The following PCDHGA7 variants were observed in gnomAD, a reference collection of about 807,000 sequenced individuals.
PCDHGA7 encodes protocadherin gamma subfamily A, 7.
In PCDHGA7, 44 loss-of-function variants were observed where a neutral mutation model predicts 58.3. That is an observed-to-expected ratio of 0.75 (90% CI 0.59 to 0.97). The LOEUF (loss-of-function observed/expected upper bound fraction) is 0.97, where lower values mean the gene tolerates loss of function less well. PCDHGA7 is among the 50% of genes least tolerant of loss of function. The pLI is 0.00. For synonymous variants in PCDHGA7, 516 were observed against 504.2 expected, an observed-to-expected ratio of 1.02 and a Z score of -0.31; for missense variants, 1,266 against 1,188.7, an observed-to-expected ratio of 1.06 and a Z score of -0.96.
intron 1 of PCDHGA7, chr5:141,441,678 G>A (rs952726158): frequency 3.4e-6 from 1 of 292,424 alleles, no homozygotes; most frequent in Non-Finnish European, 6.7e-6. Flanking sequence ...GTGCGCCTTC[G>A]ACCAAGAGCA....
rs754835805 is a variant in PCDHGA7 at position 141,415,008 on chromosome 5, T to C, written c.2424+29685T>C. ...GCCAGAACGCCTGGCTGTCCTACCGTCTGCTCAAGGCCAGCGAGCCGGGAC... is the reference window on the plus strand; with the variant it reads ...GCCAGAACGCCTGGCTGTCCTACCGCCTGCTCAAGGCCAGCGAGCCGGGAC... On this transcript the variant is annotated intron_variant, in intron 1 of 3. Transcript: ENST00000518325. 3.1e-6 allele frequency: 5 copies of C among 1,613,636 alleles called. No individual in the cohort carries two copies. The South Asian group carries it at 3.3e-5, about 11-fold the overall frequency.
chr5:141,394,524 G>T lies in PCDHGA7; in HGVS notation c.2424+9201G>T, dbSNP rs977174958. 13 of 1,614,214 alleles carry T rather than the reference G, an allele frequency of 8.1e-6. No homozygotes were observed. ...CCTGTACCCCGCCCTCCCCACAGAC[G>T]GTTCCACTGGCGTGGAGCTGGCGCC... On this transcript the variant is annotated intron_variant, in intron 1 of 3. Coordinates refer to ENST00000518325, the MANE Select transcript of PCDHGA7 (RefSeq NM_018920.4).
chr5:141,383,364 C>G lies in PCDHGA7; in HGVS notation c.465C>G (p.Ser155Arg), dbSNP rs1345393790. ...NTAPGVRFPL[S>R]EAGDPDVGTN... is the part of the protein sequence containing the mutation. Reference sequence around the variant, plus strand: ...CTCCTGGGGTTCGGTTTCCGTTAAGCGAGGCTGGGGATCCAGATGTGGGCA... The same window carrying G: ...CTCCTGGGGTTCGGTTTCCGTTAAGGGAGGCTGGGGATCCAGATGTGGGCA... The change falls in exon 1 of 4, where the codon AGC becomes AGG. Residue 155 changes from serine to arginine, a missense_variant. Transcript: ENST00000518325. The G allele has an allele frequency of 2.5e-6, 4 of 1,613,946 alleles. No homozygotes were observed. The South Asian group carries it at 4.4e-5, about 18-fold the overall frequency.
chr5:141,473,238 G>A (rs1265577738), intron 1 of PCDHGA7, among the ~76,000 whole-genome samples: 4 of 152,200 alleles, frequency 2.6e-5, no homozygotes, highest in Admixed American at 6.5e-5. Context: ...ATCCACACAA[G>A]TGAATACATA....
chr5:141,431,828 C>T lies in PCDHGA7; in HGVS notation c.2424+46505C>T. The T allele has an allele frequency of 6.2e-7, 1 of 1,610,208 alleles. No individual in the cohort carries two copies. Among genetic ancestry groups the T allele is most frequent in the Non-Finnish European group, 8.5e-7 (1 of 1,176,374 alleles). On this transcript the variant is annotated intron_variant, in intron 1 of 3. Transcript: ENST00000518325. This position sits in a 1 kb window ranked among gnomAD's most constrained non-coding sequence, Gnocchi z 4.8. Reference sequence around the variant, plus strand: ...CCTCACCTCTCTCGCCAGCTCGGTTCCCGAAAACTCTCCCAGAGGGACATT... The same window carrying T: ...CCTCACCTCTCTCGCCAGCTCGGTTTCCGAAAACTCTCCCAGAGGGACATT...
Position 141,511,042 on chromosome 5 carries a change from G to C in PCDHGA7, c.2668G>C (p.Asp890His), listed in dbSNP as rs774071540. Residue 890 changes from aspartate (D) to histidine (H), a missense_variant, in exon 4 of 4, where the codon GAC becomes CAC. Transcript: ENST00000518325. Reference sequence around the variant, plus strand: ...CCAGTTCACCCTGCAGCACGTGCCCGACTACCGCCAGAATGTCTACATCCC... The same window carrying C: ...CCAGTTCACCCTGCAGCACGTGCCCCACTACCGCCAGAATGTCTACATCCC... ...GPQFTLQHVP[D>H]YRQNVYIPGS... 6.2e-7 allele frequency: 1 copy of C among 1,614,182 alleles called. No homozygotes were observed. Among genetic ancestry groups the C allele is most frequent in the South Asian group, 1.1e-5 (1 of 91,084 alleles).
intron 1 of PCDHGA7, among the ~76,000 whole-genome samples, chr5:141,471,076 T>C (rs1463083616): frequency 1.5e-5 from 2 of 136,094 alleles, no homozygotes; most frequent in Non-Finnish European, 3.1e-5. Context: ...TGAGACAGGG[T>C]CTCCCTCTGT....
chr5:141,423,680 C>T (rs2096766182), intron 1 of PCDHGA7: 1 of 1,479,088 alleles, frequency 6.8e-7, no homozygotes, highest in African/African-American at 1.5e-5. Context: ...ATTTCTCTGC[C>T]TCCTAATTGT....
Position 141,384,276 on chromosome 5 carries a change from C to A in PCDHGA7, c.1377C>A (p.Val459=). 1 of 1,613,888 alleles carries A rather than the reference C, an allele frequency of 6.2e-7. No homozygotes were observed. Among genetic ancestry groups the A allele is most frequent in the Non-Finnish European group, 8.5e-7 (1 of 1,179,890 alleles). ...PPTFPHSSYS[V]YIAENNPRGA... is the part of the protein sequence containing the mutation. ...CCTTCCCCCACTCATCCTACTCAGT[C>A]TACATCGCTGAGAACAACCCCAGAG... Residue 459 remains valine, a synonymous_variant, in exon 1 of 4, where the codon GTC becomes GTA. Coordinates refer to ENST00000518325, the MANE Select transcript of PCDHGA7 (RefSeq NM_018920.4).
intron 1 of PCDHGA7, among the ~76,000 whole-genome samples, chr5:141,460,536 G>A (rs911670681): frequency 2.0e-5 from 3 of 152,092 alleles, no homozygotes; most frequent in African/African-American, 7.2e-5. Flanking sequence ...AATAATCTTA[G>A]CACCTTAATC....
Position 141,477,098 on chromosome 5 carries a change from G to A in PCDHGA7, c.2425-17709G>A, listed in dbSNP as rs1562059777. 1.9e-6 allele frequency: 3 copies of A among 1,614,124 alleles called. No individual in the cohort carries two copies. The highest frequency in any genetic ancestry group is 3.3e-5 in the Admixed American group (2 of 60,008). The stretch of plus-strand genomic sequence containing the variant: ...GATTTACATCCAGGCCAAAGACAAG[G>A]GCGCCAATCCCGAAGGAGCACATTG... On this transcript the variant is annotated intron_variant, in intron 1 of 3. Coordinates refer to ENST00000518325, the MANE Select transcript of PCDHGA7 (RefSeq NM_018920.4). This position sits in a 1 kb window ranked among gnomAD's most constrained non-coding sequence, Gnocchi z 4.9.
intron 1 of PCDHGA7, chr5:141,409,672 T>C (rs1411780634): frequency 2.5e-6 from 4 of 1,613,458 alleles, no homozygotes; most frequent in Non-Finnish European, 2.5e-6. Flanking sequence ...TCTCCTACTC[T>C]ATAGTGGCGA....
intron 1 of PCDHGA7, among the ~76,000 whole-genome samples, chr5:141,402,328 A>G (rs1589453798): frequency 6.6e-6 from 1 of 152,000 alleles, no homozygotes; most frequent in Non-Finnish European, 1.5e-5. Context: ...ACATTTACAA[A>G]TATATAGGTA....
At position 141,508,670 on chromosome 5, in the gene PCDHGA7, C is replaced by A. The variant is rs184838473; in HGVS notation, c.2573-2277C>A. The stretch of plus-strand genomic sequence containing the variant: ...GGCCCTTCCTGTCATTCTGTCTCTG[C>A]CTCCCTTCTCCCTGCTTCTCCGTGT... On this transcript the variant is annotated intron_variant, in intron 3 of 3. Coordinates refer to ENST00000518325, the MANE Select transcript of PCDHGA7 (RefSeq NM_018920.4). Among the ~76,000 whole-genome samples the A allele has an allele frequency of 3.7e-3, 564 of 152,202 alleles. 5 individuals are homozygous for A. The highest frequency in any genetic ancestry group is 0.011 in the Admixed American group (164 of 15,294).
At chr5:141,385,516 C>A in intron 1 of PCDHGA7, 193 bp downstream of exon 1, 1 of 1,367,218 alleles carries the variant, frequency 7.3e-7, no homozygotes, top group South Asian at 1.9e-5. Flanking sequence ...TAGTGAAAGC[C>A]TATGGACAAG....
intron 1 of PCDHGA7, chr5:141,392,777 A>T (rs1226924811): frequency 6.5e-7 from 1 of 1,529,322 alleles, no homozygotes; most frequent in Admixed American, 2.2e-5. Context: ...ATTTATGCAC[A>T]GTGAAGATTC....
chr5:141,401,770 T>C (rs975272408), intron 1 of PCDHGA7, among the ~76,000 whole-genome samples: 2 of 152,202 alleles, frequency 1.3e-5, no homozygotes, highest in African/African-American at 4.8e-5. Context: ...TATAAGTCTT[T>C]TGCTTGGTTT....
At position 141,487,219 on chromosome 5, in the gene PCDHGA7, A is replaced by G. The variant is rs750819958; in HGVS notation, c.2425-7588A>G. ...CAGATCTTCGAGAATCTTCAGCTCC[A>G]AGGGAAGGAGAATCTCGTCTAACCC... On this transcript the variant is annotated intron_variant, in intron 1 of 3. Transcript: ENST00000518325. This position sits in a 1 kb window ranked among gnomAD's most constrained non-coding sequence, Gnocchi z 5.0. The G allele has an allele frequency of 1.2e-6, 2 of 1,613,952 alleles. No individual in the cohort carries two copies. The highest frequency in any genetic ancestry group is 3.3e-5 in the Admixed American group (2 of 60,020).
chr5:141,440,980 C>T (rs972732898), intron 1 of PCDHGA7: 1 of 152,242 alleles, frequency 6.6e-6, no homozygotes. Context: ...GCTTCACAAC[C>T]CAGAGTACCC....
Sources: gnomAD v4.1 joint callset for allele counts (sites outside exome capture counted in the v4.1 genomes callset) on GRCh38, gnomAD v4.1.1 for gene constraint, Gnocchi (gnomAD v3.1) non-coding constraint, MANE v1.5 for transcripts, NCBI Gene and HGNC (gene_info 2026-07-23, HGNC 2026-07-21) for gene names.